PADI4: variants seen among roughly 807,000 people sequenced by gnomAD.
The protein encoded by PADI4 is peptidyl arginine deiminase 4, also known as protein-arginine deiminase type-4.
PADI4 carries 62 observed loss-of-function variants against 75.0 expected under a neutral mutation model. The observed-to-expected ratio is 0.83, with a 90% CI of 0.67 to 1.02. PADI4 has a LOEUF of 1.02. Among genes scored for constraint, PADI4 ranks in the 50% least tolerant of loss-of-function variants. PADI4 has a pLI of 0.00. For synonymous variants in PADI4, 361 were observed against 348.1 expected (o/e 1.04, Z -0.41); for missense variants, 845 against 850.5 (o/e 0.99, Z 0.08).
intron 1 of PADI4, among the ~76,000 whole-genome samples, chr1:17,327,182 G>A (rs889578047): frequency 3.9e-5 from 6 of 152,110 alleles, no homozygotes; most frequent in African/African-American, 1.4e-4. Flanking sequence ...CAATGTGTTG[G>A]TATGAGCCAC....
In PADI4 at chr1:17,346,229, C is replaced by G. The variant is rs1034646803; in HGVS notation, c.1047+90C>G. ...GGGCTCCTGGGGTTCAGCCTGGTGC[C>G]TCACCGGCCACTCTTCCTTAGATGG... On this transcript the variant is annotated intron_variant, in intron 9 of 15. Transcript: ENST00000375448. The surrounding 1 kb of genome is among the most constrained non-coding windows in gnomAD (Gnocchi z 4.3). 1 of 750,346 alleles carries G rather than the reference C, an allele frequency of 1.3e-6. No homozygotes were observed. The highest frequency in any genetic ancestry group is 2.3e-6 in the Non-Finnish European group (1 of 435,038). The allele number at this position is 750,346 out of a possible 1,614,324, so 46.5% of individuals were successfully genotyped here.
intron 8 of PADI4, among the ~76,000 whole-genome samples, chr1:17,345,044 G>A (rs2074490371): frequency 6.6e-6 from 1 of 152,240 alleles, no homozygotes; most frequent in South Asian, 2.1e-4. Context: ...CCAGGAGGGA[G>A]GCTATACCCT....
chr1:17,311,510 C>T (rs1194337859), intron 1 of PADI4, among the ~76,000 whole-genome samples: 1 of 150,688 alleles, frequency 6.6e-6, no homozygotes, highest in Non-Finnish European at 1.5e-5. Flanking sequence ...TTCTTCCTCC[C>T]AAAGTCTCCT....
chr1:17,359,416 G>T lies in PADI4; in HGVS notation c.1758+8G>T. 1.2e-6 allele frequency: 2 copies of T among 1,614,028 alleles called. No homozygotes were observed. Among genetic ancestry groups the T allele is most frequent in the Non-Finnish European group, 1.7e-6 (2 of 1,179,956 alleles). On this transcript the variant is annotated splice_region_variant and intron_variant, in intron 15 of 15. Transcript: ENST00000375448. ...GCTTTTTTCCCCAACATGGTGAGGA[G>T]GTGGCGGCTTTAAAACCCCAGGGTG...
chr1:17,344,193 G>A (rs1192006280), intron 8 of PADI4, among the ~76,000 whole-genome samples: 2 of 152,172 alleles, frequency 1.3e-5, no homozygotes, highest in Non-Finnish European at 2.9e-5. Context: ...GTGGCATTTT[G>A]TACCTGCCCT....
At chr1:17,345,901 C>T (rs530865864) in intron 8 of PADI4, 127 bp from the exon 9 acceptor site, 29 of 621,170 alleles carry the variant, frequency 4.7e-5, no homozygotes, top group South Asian at 2.7e-4. Flanking sequence ...GCAGATGGAC[C>T]GGACGTGCCA....
In PADI4 at chr1:17,331,113, G is replaced by T. The variant is rs750711340; in HGVS notation, c.237G>T (p.Thr79=). The T allele has an allele frequency of 1.2e-6, 2 of 1,612,004 alleles. No homozygotes were observed. Among genetic ancestry groups the T allele is most frequent in the African/African-American group, 1.3e-5 (1 of 74,804 alleles). The part of the protein sequence containing the change: ...PLDPGVEVTL[T]MKVASGSTGD... ...ACCCTGGGGTAGAGGTGACCCTGAC[G>T]ATGAAAGTGGCCAGTGGTAGCACAG... Residue 79 remains threonine, a synonymous_variant, in exon 2 of 16, where the codon ACG becomes ACT. Transcript: ENST00000375448.
At chr1:17,362,596 T>C (rs955539456) in intron 15 of PADI4, among the ~76,000 whole-genome samples, 1 of 152,046 alleles carries the variant, frequency 6.6e-6, no homozygotes, top group South Asian at 2.1e-4. Context: ...ACGATGTTCA[T>C]TGTTTGGGTA....
rs1385043069 is a variant in PADI4 at position 17,349,895 on chromosome 1, C to T, written c.1155+1847C>T. Reference sequence around the variant, plus strand: ...CTCCACTGGCCTCCTTCCTGTTCTTCAAACTTGCCTAACGTTTCCCCACCT... The same window carrying T: ...CTCCACTGGCCTCCTTCCTGTTCTTTAAACTTGCCTAACGTTTCCCCACCT... On this transcript the variant is annotated intron_variant, in intron 10 of 15. Coordinates refer to ENST00000375448, the MANE Select transcript of PADI4 (RefSeq NM_012387.3). Among the ~76,000 whole-genome samples the T allele has an allele frequency of 3.2e-5, 4 of 124,726 alleles. 1 individual carries two copies. The highest frequency in any genetic ancestry group is 7.2e-5 in the Non-Finnish European group (4 of 55,690). The allele number at this position is 124,726 out of a possible 152,430, so 81.8% of individuals were successfully genotyped here.
chr1:17,338,104 C>A lies in PADI4; in HGVS notation c.475C>A (p.Leu159Ile). The A allele has an allele frequency of 6.2e-7, 1 of 1,613,540 alleles. No individual in the cohort carries two copies. Among genetic ancestry groups the A allele is most frequent in the Non-Finnish European group, 8.5e-7 (1 of 1,179,608 alleles). ...GCTGGTGAACTGTGACAGAGACAAT[C>A]TCGAATCTTCTGCCATGGACTGCGA... ...ILLVNCDRDNLESSAMDCEDD... is the reference protein window; with the variant it reads ...ILLVNCDRDNIESSAMDCEDD... Residue 159 changes from leucine to isoleucine, a missense_variant, in exon 5 of 16, where the codon CTC becomes ATC. Physicochemically the swap from Leu to Ile is conservative, Grantham distance 5. Transcript: ENST00000375448.
At chr1:17,324,575 T>C (rs886960761) in intron 1 of PADI4, among the ~76,000 whole-genome samples, 1 of 152,220 alleles carries the variant, frequency 6.6e-6, no homozygotes, top group African/African-American at 2.4e-5. Flanking sequence ...CAAGTGATCT[T>C]CCCACCTTGG....
intron 8 of PADI4, among the ~76,000 whole-genome samples, chr1:17,343,766 GT>G (rs1202879570): frequency 1.3e-5 from 2 of 152,182 alleles, no homozygotes; most frequent in African/African-American, 4.8e-5. Flanking sequence ...CCGCCGCCAT[GT>G]AAGAAGTGCC....
chr1:17,349,738 C>CAAA (rs138371637), intron 10 of PADI4, among the ~76,000 whole-genome samples: 19 of 104,896 alleles, frequency 1.8e-4, no homozygotes, highest in Non-Finnish European at 3.9e-4. Flanking sequence ...GAAAAAACAA[C>CAAA]AACAAAAAAC....
chr1:17,355,959 A>T (rs1312247735), intron 11 of PADI4, 24 bp from the exon 12 acceptor site: 2 of 1,613,648 alleles, frequency 1.2e-6, no homozygotes, highest in Admixed American at 1.7e-5. Context: ...TGCCGATAAC[A>T]CCCCTTTAAC....
chr1:17,320,944 G>C (rs1474725158), intron 1 of PADI4, among the ~76,000 whole-genome samples: 1 of 152,092 alleles, frequency 6.6e-6, no homozygotes, highest in Non-Finnish European at 1.5e-5. Flanking sequence ...GCTAATCTAG[G>C]ATAATCTCCC....
chr1:17,356,482 T>A lies in PADI4; in HGVS notation c.1558+23T>A. The A allele has an allele frequency of 7.1e-7, 1 of 1,399,752 alleles. No homozygotes were observed. The highest frequency in any genetic ancestry group is 1.2e-5 in the South Asian group (1 of 85,702). The allele number at this position is 1,399,752 out of a possible 1,614,324, so 86.7% of individuals were successfully genotyped here. Reference sequence around the variant, plus strand: ...AGAGTAAGTCGGCCCTGCCTTGTTCTCCTGTCTGTGCACCTTCCTGCTTCC... The same window carrying A: ...AGAGTAAGTCGGCCCTGCCTTGTTCACCTGTCTGTGCACCTTCCTGCTTCC... On this transcript the variant is annotated intron_variant, in intron 13 of 15. Coordinates refer to ENST00000375448, the MANE Select transcript of PADI4 (RefSeq NM_012387.3). This position sits in a 1 kb window ranked among gnomAD's most constrained non-coding sequence, Gnocchi z 4.1.
chr1:17,316,166 G>T (rs1054959965), intron 1 of PADI4, among the ~76,000 whole-genome samples: 11 of 151,988 alleles, frequency 7.2e-5, no homozygotes, highest in Admixed American at 6.5e-4. Context: ...GGCCAAGGTG[G>T]GCTGATCACA....
chr1:17,342,428 G>A, intron 8 of PADI4, 26 bp downstream of exon 8: 2 of 1,420,218 alleles, frequency 1.4e-6, no homozygotes. Flanking sequence ...GTGCTGGGGT[G>A]GGTCCAGACA....
intron 3 of PADI4, among the ~76,000 whole-genome samples, chr1:17,335,205 A>G (rs1274311377): frequency 1.3e-5 from 2 of 152,154 alleles, no homozygotes; most frequent in Non-Finnish European, 2.9e-5. Context: ...TTCAGGTTTC[A>G]TTTCATTAAT....
Sources: gnomAD v4.1 joint callset for allele counts (sites outside exome capture counted in the v4.1 genomes callset) on GRCh38, gnomAD v4.1.1 for gene constraint, Gnocchi (gnomAD v3.1) non-coding constraint, MANE v1.5 for transcripts, NCBI Gene and HGNC (gene_info 2026-07-23, HGNC 2026-07-21) for gene names.